Variants in MGST2 observed in about 807,000 individuals in gnomAD.
MGST2 encodes microsomal glutathione S-transferase 2, also known as glutathione peroxidase MGST2.
In MGST2, 9 loss-of-function variants were observed where a neutral mutation model predicts 16.6. The observed-to-expected ratio is 0.54, with a 90% CI of 0.33 to 0.95. The LOEUF (loss-of-function observed/expected upper bound fraction) is 0.95. Ranked by LOEUF, MGST2 falls within the 40% of genes least tolerant of loss-of-function variation. The pLI, the probability that MGST2 is intolerant of heterozygous loss-of-function variation, is 0.03. For synonymous variants in MGST2, 79 were observed against 68.0 expected (o/e 1.16, Z -0.79); for missense variants, 159 against 175.1 (o/e 0.91, Z 0.52).
chr4:139,739,552 A>G (rs958875800), intron 5 of MGST2, among the ~76,000 whole-genome samples: 1 of 152,212 alleles, frequency 6.6e-6, no homozygotes, highest in African/African-American at 2.4e-5. Context: ...AAGCTTGATT[A>G]AATAAATTAT....
chr4:139,733,559 A>G (rs78198118), intron 5 of MGST2, among the ~76,000 whole-genome samples: 2 of 32,122 alleles, frequency 6.2e-5, no homozygotes, highest in African/African-American at 1.5e-4. Flanking sequence ...CACAGTGTGA[A>G]AAAAAAAAAA....
intron 5 of MGST2, among the ~76,000 whole-genome samples, chr4:139,729,314 T>C (rs1728606390): frequency 6.6e-6 from 1 of 152,072 alleles, no homozygotes; most frequent in African/African-American, 2.4e-5. Context: ...CGGTGGTGGA[T>C]GCTTAGTAAA....
chr4:139,703,887 TA>T, intron 4 of MGST2, 128 bp from the exon 5 acceptor site: 1 of 1,182,872 alleles, frequency 8.5e-7, no homozygotes, highest in South Asian at 1.3e-5. Flanking sequence ...TGTGATGAGC[TA>T]AAATTTTCAA....
chr4:139,704,887 A>G (rs575036369), downstream of MGST2, among the ~76,000 whole-genome samples: 9 of 152,168 alleles, frequency 5.9e-5, no homozygotes, highest in African/African-American at 2.2e-4. Context: ...GCGCCACTGC[A>G]CTCCAGCCTG....
chr4:139,667,787 G>C (rs1187429608), intron 1 of MGST2, among the ~76,000 whole-genome samples: 5 of 152,112 alleles, frequency 3.3e-5, no homozygotes, highest in African/African-American at 9.7e-5. Context: ...GAACCTGGGA[G>C]GGGGAGGTTG....
intron 2 of MGST2, among the ~76,000 whole-genome samples, chr4:139,687,111 C>G (rs1215760061): frequency 7.9e-5 from 12 of 152,106 alleles, no homozygotes. Flanking sequence ...ACCCAGTTTC[C>G]TTGTTAGAGA....
At chr4:139,732,773 A>G (rs1261573033) in intron 5 of MGST2, among the ~76,000 whole-genome samples, 1 of 152,166 alleles carries the variant, frequency 6.6e-6, no homozygotes, top group African/African-American at 2.4e-5. Context: ...TCATGGTGTT[A>G]AGTGTGCACC....
chr4:139,701,781 T>C (rs1727263148), intron 3 of MGST2, among the ~76,000 whole-genome samples: 1 of 151,504 alleles, frequency 6.6e-6, no homozygotes, highest in Non-Finnish European at 1.5e-5. Flanking sequence ...CTAGGCAACA[T>C]AGGGAGGCCT....
At chr4:139,736,061 C>A (rs1047084512) in intron 5 of MGST2, among the ~76,000 whole-genome samples, 7 of 152,082 alleles carry the variant, frequency 4.6e-5, no homozygotes, top group Non-Finnish European at 1.0e-4. Context: ...TAAATCAATG[C>A]ATAAACAAAA....
At chr4:139,686,017 C>G (rs1056973557) in intron 2 of MGST2, among the ~76,000 whole-genome samples, 2 of 152,240 alleles carry the variant, frequency 1.3e-5, no homozygotes, top group African/African-American at 4.8e-5. Context: ...TGCCACAGCC[C>G]TCAGGAGGTC....
intron 3 of MGST2, among the ~76,000 whole-genome samples, chr4:139,703,026 A>G (rs1234634157): frequency 6.6e-6 from 1 of 151,184 alleles, no homozygotes; most frequent in Non-Finnish European, 1.5e-5. Context: ...CCTGGGTTCA[A>G]ACGATTCTCC....
chr4:139,679,131 G>T (rs1212998390), intron 2 of MGST2: 3 of 167,548 alleles, frequency 1.8e-5, no homozygotes, highest in Admixed American at 1.7e-4. Flanking sequence ...CATGCGCCAT[G>T]TTTTTTGATC....
At chr4:139,719,520 T>G in intron 5 of MGST2, 1 of 1,613,958 alleles carries the variant, frequency 6.2e-7, no homozygotes, top group Non-Finnish European at 8.5e-7. Context: ...GGAGCAAAGC[T>G]GCCACTGGGT....
intron 2 of MGST2, among the ~76,000 whole-genome samples, chr4:139,681,443 A>G (rs1320548511): frequency 6.6e-6 from 1 of 152,070 alleles, no homozygotes; most frequent in Non-Finnish European, 1.5e-5. Context: ...GTTTTCTTTT[A>G]TCTTCAGGTT....
At chr4:139,745,639 G>C (rs1397657480), downstream of MGST2, among the ~76,000 whole-genome samples, 1 of 152,196 alleles carries the variant, frequency 6.6e-6, no homozygotes, top group African/African-American at 2.4e-5. Flanking sequence ...GCTCTGCCCA[G>C]TCCACATGGC....
chr4:139,696,784 T>C lies in MGST2; in HGVS notation c.229+1517T>C, dbSNP rs813836. Among the ~76,000 whole-genome samples the C allele has an allele frequency of 5.3e-3, 803 of 152,340 alleles. 4 individuals are homozygous for C. Among genetic ancestry groups the C allele is most frequent in the African/African-American group, 0.018 (754 of 41,572 alleles). ...CCTATAACAATGCTAGCATCTTCAA[T>C]GGTGTAATCCTTCTAGGCATTCATA... On this transcript the variant is annotated intron_variant, in intron 3 of 4. Coordinates refer to ENST00000265498, the MANE Select transcript of MGST2 (RefSeq NM_002413.5).
At chr4:139,700,341 C>T (rs1727183199) in intron 3 of MGST2, among the ~76,000 whole-genome samples, 1 of 151,944 alleles carries the variant, frequency 6.6e-6, no homozygotes, top group African/African-American at 2.4e-5. Context: ...CTGTGTTAGC[C>T]AGGATGGTCT....
chr4:139,677,731 G>A (rs1288492329), intron 1 of MGST2, among the ~76,000 whole-genome samples: 2 of 152,082 alleles, frequency 1.3e-5, no homozygotes, highest in Admixed American at 6.6e-5. Flanking sequence ...TCGAACTCCC[G>A]ACCTTGGGTA....
At chr4:139,740,537 T>G (rs541263664) in exon 6 of MGST2, 3 of 152,026 alleles carry the variant, frequency 2.0e-5, no homozygotes, top group Non-Finnish European at 4.4e-5. Context: ...CTAGGGAGAT[T>G]TTTTTCCCCC....
Sources: allele counts gnomAD v4.1 joint callset (sites outside exome capture counted in the v4.1 genomes callset), GRCh38; gene constraint gnomAD v4.1.1; transcripts MANE v1.5; gene names NCBI Gene and HGNC (gene_info 2026-07-23, HGNC 2026-07-21).